Variants in RAB39A observed in about 807,000 individuals in gnomAD.
RAB39A encodes ras-related protein Rab-39A.
A neutral mutation model predicts 20.9 loss-of-function variants in RAB39A; 17 were observed. That is an observed-to-expected ratio of 0.81 (90% CI 0.56 to 1.22). RAB39A has a LOEUF of 1.22. RAB39A is among the 50% of genes most tolerant of loss of function. The pLI, the probability that RAB39A is intolerant of heterozygous loss-of-function variation, is 0.00. For synonymous variants in RAB39A, 99 were observed against 103.4 expected, an observed-to-expected ratio of 0.96 and a Z score of 0.26; for missense variants, 234 against 270.5, an observed-to-expected ratio of 0.87 and a Z score of 0.95.
In RAB39A at chr11:107,962,412, G is replaced by A; in HGVS notation, c.*40G>A. The A allele has an allele frequency of 8.5e-6, 13 of 1,527,072 alleles. No individual in the cohort carries two copies. The highest frequency in any genetic ancestry group is 1.2e-5 in the Non-Finnish European group (13 of 1,127,666). The allele number at this position is 1,527,072 out of a possible 1,614,324, so 94.6% of individuals were successfully genotyped here. ...AAGAACTAACAGGAACAGATTGGGT[G>A]TCAGTTCAGGATAAATACCAACATT... On this transcript the variant is annotated 3_prime_UTR_variant, in exon 2 of 2. Transcript: ENST00000320578.
At chr11:107,943,976 T>G (rs1246297468) in intron 1 of RAB39A, among the ~76,000 whole-genome samples, 1 of 151,954 alleles carries the variant, frequency 6.6e-6, no homozygotes, top group Non-Finnish European at 1.5e-5. Context: ...TTGCCTGTAG[T>G]CCCAGCTACT....
chr11:107,943,056 C>A (rs1191240073), intron 1 of RAB39A, among the ~76,000 whole-genome samples: 1 of 152,194 alleles, frequency 6.6e-6, no homozygotes, highest in African/African-American at 2.4e-5. Context: ...CTGTGCAATA[C>A]TCAGTGACTA....
intron 1 of RAB39A, among the ~76,000 whole-genome samples, chr11:107,950,612 C>T (rs1464521661): frequency 6.6e-6 from 1 of 151,864 alleles, no homozygotes; most frequent in African/African-American, 2.4e-5. Flanking sequence ...ACAAAAAATA[C>T]AAAACTTAGC....
chr11:107,953,709 C>T (rs966182065), intron 1 of RAB39A, among the ~76,000 whole-genome samples: 4 of 152,124 alleles, frequency 2.6e-5, no homozygotes, highest in Non-Finnish European at 4.4e-5. Flanking sequence ...TGAGAGGCAC[C>T]ATCACCCTAT....
At chr11:107,944,602 G>A (rs1861291008) in intron 1 of RAB39A, among the ~76,000 whole-genome samples, 1 of 151,946 alleles carries the variant, frequency 6.6e-6, no homozygotes, top group South Asian at 2.1e-4. Context: ...AGCCAGGCTG[G>A]TCTCGAACTC....
intron 1 of RAB39A, among the ~76,000 whole-genome samples, chr11:107,932,476 A>G (rs893686517): frequency 2.6e-5 from 4 of 152,206 alleles, no homozygotes; most frequent in African/African-American, 9.6e-5. Context: ...AAGCTGGGTT[A>G]TAAGCACACT....
chr11:107,946,460 ATTTTTTTT>A (rs869125579), intron 1 of RAB39A, among the ~76,000 whole-genome samples: 227 of 15,672 alleles, frequency 0.014, 1 homozygote, highest in Admixed American at 0.031. Flanking sequence ...ATATATATAT[ATTTTTTTT>A]TTTTTTTTTT....
At chr11:107,939,046 A>G (rs1006618180) in intron 1 of RAB39A, among the ~76,000 whole-genome samples, 2 of 151,008 alleles carry the variant, frequency 1.3e-5, no homozygotes, top group Non-Finnish European at 2.9e-5. Context: ...GTTCAAGACC[A>G]GTGTGGCCAA....
chr11:107,938,703 T>G (rs1338880982), intron 1 of RAB39A, among the ~76,000 whole-genome samples: 1 of 147,352 alleles, frequency 6.8e-6, no homozygotes, highest in Non-Finnish European at 1.5e-5. Flanking sequence ...GCCACTGCAC[T>G]CCAGCCTGGG....
At chr11:107,929,599 T>C (rs1861116655) in intron 1 of RAB39A, among the ~76,000 whole-genome samples, 1 of 152,182 alleles carries the variant, frequency 6.6e-6, no homozygotes, top group Non-Finnish European at 1.5e-5. Context: ...ATTTTGCTTA[T>C]GATCAGTACT....
At chr11:107,929,001 G>A (rs1301644371) in intron 1 of RAB39A, among the ~76,000 whole-genome samples, 1 of 152,082 alleles carries the variant, frequency 6.6e-6, no homozygotes, top group African/African-American at 2.4e-5. Context: ...TTCTTTCTTT[G>A]GCGCCCATTT....
chr11:107,947,907 G>T (rs1001704376), intron 1 of RAB39A, among the ~76,000 whole-genome samples: 1 of 149,242 alleles, frequency 6.7e-6, no homozygotes, highest in Non-Finnish European at 1.5e-5. Context: ...CAATATGCAA[G>T]ATTTCAAAAT....
intron 1 of RAB39A, among the ~76,000 whole-genome samples, chr11:107,930,662 C>A (rs1030293306): frequency 6.6e-6 from 1 of 152,022 alleles, no homozygotes; most frequent in Non-Finnish European, 1.5e-5. Context: ...TCAAGACCAG[C>A]CTGGCCAATA....
Position 107,928,808 on chromosome 11 carries a change from G to A in RAB39A, c.227+13G>A, listed in dbSNP as rs572246170. The A allele has an allele frequency of 6.6e-6, 10 of 1,510,010 alleles. No individual in the cohort carries two copies. In the East Asian group the frequency reaches 1.7e-4, roughly 26 times the overall value. The allele number at this position is 1,510,010 out of a possible 1,614,324, so 93.5% of individuals were successfully genotyped here. On this transcript the variant is annotated intron_variant, in intron 1 of 1. Coordinates refer to ENST00000320578, the MANE Select transcript of RAB39A (RefSeq NM_017516.3). This position sits in a 1 kb window ranked among gnomAD's most constrained non-coding sequence, Gnocchi z 4.9. ...AGGAGCGGTTCAGGTAGGGACCCCG[G>A]GGACCTTGGGCACCGCGCCGCCCCC...
intron 1 of RAB39A, among the ~76,000 whole-genome samples, chr11:107,942,573 C>T (rs992239925): frequency 8.5e-5 from 13 of 152,160 alleles, no homozygotes; most frequent in African/African-American, 3.1e-4. Flanking sequence ...ATCCTCCTGC[C>T]TCAGCCTTCC....
intron 1 of RAB39A, among the ~76,000 whole-genome samples, chr11:107,944,548 G>C (rs932716133): frequency 1.3e-5 from 2 of 151,962 alleles, no homozygotes; most frequent in African/African-American, 2.4e-5. Flanking sequence ...CACCATGCCC[G>C]GCTAATTTTT....
intron 1 of RAB39A, among the ~76,000 whole-genome samples, chr11:107,957,698 G>A (rs1282864433): frequency 8.5e-5 from 13 of 152,078 alleles, no homozygotes; most frequent in African/African-American, 2.4e-5. Flanking sequence ...GTATTTAGGG[G>A]TTTTGTATCT....
intron 1 of RAB39A, 82 bp from the exon 2 acceptor site, chr11:107,961,864 G>A: frequency 9.3e-7 from 1 of 1,080,912 alleles, no homozygotes; most frequent in Non-Finnish European, 1.3e-6. Flanking sequence ...ATCTTCAAAT[G>A]TTATTATGGT....
At chr11:107,938,683 C>A (rs556677143) in intron 1 of RAB39A, among the ~76,000 whole-genome samples, 24 of 150,898 alleles carry the variant, frequency 1.6e-4, no homozygotes, top group Middle Eastern at 3.4e-3. Context: ...CTGCAGTGAG[C>A]CATGACTGTG....
Sources: gnomAD v4.1 joint callset for allele counts (sites outside exome capture counted in the v4.1 genomes callset) on GRCh38, gnomAD v4.1.1 for gene constraint, Gnocchi (gnomAD v3.1) non-coding constraint, MANE v1.5 for transcripts, NCBI Gene and HGNC (gene_info 2026-07-23, HGNC 2026-07-21) for gene names.